The following SPHK1 variants were observed in gnomAD, a reference collection of about 807,000 sequenced individuals.
SPHK1 encodes SK 1.
In SPHK1, 10 loss-of-function variants were observed where a neutral mutation model predicts 14.6. The ratio of observed to expected loss-of-function variants is 0.68; its 90% CI spans 0.42 to 1.16. The LOEUF is 1.16. SPHK1 is among the 50% of genes most tolerant of loss of function. The pLI is 0.00. For missense variants in SPHK1, 553 were observed against 525.4 expected, an observed-to-expected ratio of 1.05 and a Z score of -0.51; for synonymous variants, 274 against 224.0, an observed-to-expected ratio of 1.22 and a Z score of -1.99.
chr17:76,385,072 G>A lies in SPHK1; in HGVS notation c.-195+266G>A. 2 of 1,548,178 alleles carry A rather than the reference G, an allele frequency of 1.3e-6. No homozygotes were observed. Among genetic ancestry groups the A allele is most frequent in the Non-Finnish European group, 1.7e-6 (2 of 1,146,036 alleles). ...GGACACGGCAACCTGGATGGCTGGG[G>A]CAGGGATCCTCTCCCAGAACTTCGT... On this transcript the variant is annotated intron_variant, in intron 1 of 5. Transcript: ENST00000592299. This position sits in a 1 kb window ranked among gnomAD's most constrained non-coding sequence, Gnocchi z 5.3.
In SPHK1 at chr17:76,385,149, TC is replaced by T; in HGVS notation, c.-194-297del. The T allele has an allele frequency of 2.5e-6, 4 of 1,594,328 alleles. No individual in the cohort carries two copies. The highest frequency in any genetic ancestry group is 1.3e-5 in the African/African-American group (1 of 74,796). On this transcript the variant is annotated intron_variant, in intron 1 of 5. Transcript: ENST00000592299. This position sits in a 1 kb window ranked among gnomAD's most constrained non-coding sequence, Gnocchi z 5.3. Reference sequence around the variant, plus strand: ...GGATTTTTACGCAGCTGGACTCCCCTCCCCCTGGCAGCCCCGAGGGGTGAGG... The same window carrying T: ...GGATTTTTACGCAGCTGGACTCCCCTCCCCTGGCAGCCCCGAGGGGTGAGG...
Position 76,385,579 on chromosome 17 carries a change from G to C in SPHK1, c.-66G>C, listed in dbSNP as rs1488154177. ...CGATAAGGAGCTGAAGGCAGGAGCC[G>C]CCGCCACGGGCAGCGCCCCCACAGC... On this transcript the variant is annotated 5_prime_UTR_variant, in exon 2 of 6. Transcript: ENST00000592299. This position sits in a 1 kb window ranked among gnomAD's most constrained non-coding sequence, Gnocchi z 5.3. 1.4e-5 allele frequency: 21 copies of C among 1,539,096 alleles called. No homozygotes were observed. Among genetic ancestry groups the C allele is most frequent in the Middle Eastern group, 3.7e-4 (2 of 5,472 alleles).
chr17:76,386,861 C>G lies in SPHK1; in HGVS notation c.430C>G (p.Arg144Gly), dbSNP rs138805015. The change falls in exon 6 of 6, where the codon CGC becomes GGC. Residue 144 changes from arginine (R) to glycine (G), a missense_variant. By Grantham distance (125) the Arg-to-Gly change is moderately radical. Coordinates refer to ENST00000592299, the MANE Select transcript of SPHK1 (RefSeq NM_001142601.2). The surrounding 1 kb of genome is among the most constrained non-coding windows in gnomAD (Gnocchi z 5.3). ...LLTNCTLLLCRRLLSPMNLLS... is the reference protein window; with the variant it reads ...LLTNCTLLLCGRLLSPMNLLS... ...GACCAACTGCACGCTATTGCTGTGC[C>G]GCCGGCTGCTGTCACCCATGAACCT... 1.3e-6 allele frequency: 2 copies of G among 1,598,380 alleles called. No homozygotes were observed. The highest frequency in any genetic ancestry group is 1.7e-6 in the Non-Finnish European group (2 of 1,170,878).
rs1321061514 is a variant in SPHK1 at position 76,385,392 on chromosome 17, C to A, written c.-194-59C>A. On this transcript the variant is annotated intron_variant, in intron 1 of 5. Coordinates refer to ENST00000592299, the MANE Select transcript of SPHK1 (RefSeq NM_001142601.2). The surrounding 1 kb of genome is among the most constrained non-coding windows in gnomAD (Gnocchi z 5.3). ...CGTGGTCCCGGGATTTAGTCGGGCG[C>A]TCCCCACCTCTGGCAGCTGCGGCCC... 6 of 1,464,090 alleles carry A rather than the reference C, an allele frequency of 4.1e-6. No homozygotes were observed. In the Admixed American group the frequency reaches 1.2e-4, roughly 30 times the overall value. The allele number at this position is 1,464,090 out of a possible 1,614,324, so 90.7% of individuals were successfully genotyped here. A position where few individuals can be genotyped will look rare whatever the true frequency, so the allele number is the denominator to read the frequency against.
upstream of SPHK1, chr17:76,384,475 C>T (rs1262264636): frequency 6.7e-6 from 1 of 150,012 alleles, no homozygotes; most frequent in Non-Finnish European, 1.5e-5. Flanking sequence ...GGAACCAGCT[C>T]GTGGCCCGGC....
chr17:76,387,127 C>T lies in SPHK1; in HGVS notation c.696C>T (p.Gly232=), dbSNP rs769569229. Reference sequence around the variant, plus strand: ...CCTCCCCCGTTGTGGTCCAGCAGGGCCCGGTAGATGCACACCTTGTGCCAC... The same window carrying T: ...CCTCCCCCGTTGTGGTCCAGCAGGGTCCGGTAGATGCACACCTTGTGCCAC... ...TPASPVVVQQ[G]PVDAHLVPLE... Residue 232 remains glycine (G), a synonymous_variant, in exon 6 of 6, where the codon GGC becomes GGT. Coordinates refer to ENST00000592299, the MANE Select transcript of SPHK1 (RefSeq NM_001142601.2). This position sits in a 1 kb window ranked among gnomAD's most constrained non-coding sequence, Gnocchi z 4.1. 2.5e-6 allele frequency: 4 copies of T among 1,613,126 alleles called. No individual in the cohort carries two copies. The highest frequency in any genetic ancestry group is 1.1e-5 in the South Asian group (1 of 91,070).
At position 76,387,140 on chromosome 17, in the gene SPHK1, C is replaced by T. The variant is rs1216900890; in HGVS notation, c.709C>T (p.His237Tyr). The T allele has an allele frequency of 1.2e-6, 2 of 1,613,182 alleles. No individual in the cohort carries two copies. Among genetic ancestry groups the T allele is most frequent in the Non-Finnish European group, 1.7e-6 (2 of 1,180,014 alleles). ...GGTCCAGCAGGGCCCGGTAGATGCA[C>T]ACCTTGTGCCACTGGAGGAGCCAGT... The part of the protein sequence containing the change: ...VVVQQGPVDA[H>Y]LVPLEEPVPS... The change falls in exon 6 of 6, where the codon CAC (histidine) becomes TAC (tyrosine). Residue 237 changes from histidine to tyrosine, a missense_variant. His to Tyr is a moderately conservative substitution (Grantham distance 83). Coordinates refer to ENST00000592299, the MANE Select transcript of SPHK1 (RefSeq NM_001142601.2). The surrounding 1 kb of genome is among the most constrained non-coding windows in gnomAD (Gnocchi z 4.1).
At position 76,385,847 on chromosome 17, in the gene SPHK1, C is replaced by A; in HGVS notation, c.11-138C>A. 2 of 1,483,700 alleles carry A rather than the reference C, an allele frequency of 1.3e-6. No individual in the cohort carries two copies. The highest frequency in any genetic ancestry group is 1.8e-6 in the Non-Finnish European group (2 of 1,108,328). The allele number at this position is 1,483,700 out of a possible 1,614,324, so 91.9% of individuals were successfully genotyped here. On this transcript the variant is annotated intron_variant, in intron 2 of 5. Coordinates refer to ENST00000592299, the MANE Select transcript of SPHK1 (RefSeq NM_001142601.2). The surrounding 1 kb of genome is among the most constrained non-coding windows in gnomAD (Gnocchi z 5.3). ...CGCCGCGTCCCCACCCCAGGTCTCCCAGCAAAGGCCGCTCCTCTGGCCAGG... is the reference window on the plus strand; with the variant it reads ...CGCCGCGTCCCCACCCCAGGTCTCCAAGCAAAGGCCGCTCCTCTGGCCAGG...
rs1017654163 is a variant in SPHK1, at chr17:76,386,677, G to A, written c.375-129G>A. On this transcript the variant is annotated intron_variant, in intron 5 of 5. Transcript: ENST00000592299. The surrounding 1 kb of genome is among the most constrained non-coding windows in gnomAD (Gnocchi z 5.3). ...CTGACTGCTTCCATTTGCTCCATCTGTCACCTACCAGTCCTGCCAACTCCC... is the reference window on the plus strand; with the variant it reads ...CTGACTGCTTCCATTTGCTCCATCTATCACCTACCAGTCCTGCCAACTCCC... 143 of 1,231,506 alleles carry A rather than the reference G, an allele frequency of 1.2e-4. No homozygotes were observed. The highest frequency in any genetic ancestry group is 1.5e-4 in the Non-Finnish European group (138 of 891,728). 76.3% of individuals were successfully genotyped at this position (1,231,506 alleles called of 1,614,324 possible). A position where few individuals can be genotyped will look rare whatever the true frequency, so the allele number is the denominator to read the frequency against.
Position 76,387,424 on chromosome 17 carries a change from C to T in SPHK1, c.993C>T (p.Pro331=). The change falls in exon 6 of 6, where the codon CCC becomes CCT. Residue 331 remains proline (P), a synonymous_variant. Transcript: ENST00000592299. The surrounding 1 kb of genome is among the most constrained non-coding windows in gnomAD (Gnocchi z 4.1). ...YVPVVAFRLE[P]KDGKGVFAVD... is the part of the protein sequence containing the mutation. ...CCGTGGTCGCCTTCCGCTTGGAGCCCAAGGATGGGAAAGGTGTGTTTGCAG... is the reference window on the plus strand; with the variant it reads ...CCGTGGTCGCCTTCCGCTTGGAGCCTAAGGATGGGAAAGGTGTGTTTGCAG... The T allele has an allele frequency of 6.2e-7, 1 of 1,613,746 alleles. No homozygotes were observed. The highest frequency in any genetic ancestry group is 8.5e-7 in the Non-Finnish European group (1 of 1,180,004).
chr17:76,386,859 GC>G lies in SPHK1; in HGVS notation c.430del (p.Arg144AlafsTer7). ...CTGACCAACTGCACGCTATTGCTGT[GC>G]CGCCGGCTGCTGTCACCCATGAACC... The part of the protein sequence containing the change: ...DLLTNCTLLL[C>X]RRLLSPMNLL... On this transcript the variant is annotated frameshift_variant, in exon 6 of 6. Coordinates refer to ENST00000592299, the MANE Select transcript of SPHK1 (RefSeq NM_001142601.2). LOFTEE classifies it low-confidence loss of function (END_TRUNC). This position sits in a 1 kb window ranked among gnomAD's most constrained non-coding sequence, Gnocchi z 5.3. The G allele has an allele frequency of 6.3e-7, 1 of 1,597,472 alleles. No individual in the cohort carries two copies. The highest frequency in any genetic ancestry group is 8.5e-7 in the Non-Finnish European group (1 of 1,170,296).
In SPHK1 at chr17:76,386,545, C is replaced by G. The variant is rs1408394267; in HGVS notation, c.374+37C>G. Reference sequence around the variant, plus strand: ...GGGCCAGAGTAGGCCTGTTTCCCGTCAGTGCTCCTCTACCGCGGGGGTTTT... The same window carrying G: ...GGGCCAGAGTAGGCCTGTTTCCCGTGAGTGCTCCTCTACCGCGGGGGTTTT... On this transcript the variant is annotated intron_variant, in intron 5 of 5. Coordinates refer to ENST00000592299, the MANE Select transcript of SPHK1 (RefSeq NM_001142601.2). This position sits in a 1 kb window ranked among gnomAD's most constrained non-coding sequence, Gnocchi z 5.3. 1 of 1,565,118 alleles carries G rather than the reference C, an allele frequency of 6.4e-7. No individual in the cohort carries two copies. Among genetic ancestry groups the G allele is most frequent in the Non-Finnish European group, 8.7e-7 (1 of 1,146,030 alleles).
Position 76,386,334 on chromosome 17 carries a change from G to T in SPHK1, c.258+19G>T. The T allele has an allele frequency of 1.2e-6, 2 of 1,605,980 alleles. No individual in the cohort carries two copies. The highest frequency in any genetic ancestry group is 4.5e-5 in the East Asian group (2 of 44,724). ...GCACGAGGTGAGGACCGCACTGCGC[G>T]GCTAGGCCTGGGGCTTGGCGCGGTG... On this transcript the variant is annotated intron_variant, in intron 4 of 5. Transcript: ENST00000592299. This position sits in a 1 kb window ranked among gnomAD's most constrained non-coding sequence, Gnocchi z 5.3.
In SPHK1 at chr17:76,386,552, C is replaced by T. The variant is rs1055075158; in HGVS notation, c.374+44C>T. The T allele has an allele frequency of 6.5e-7, 1 of 1,546,930 alleles. No individual in the cohort carries two copies. On this transcript the variant is annotated intron_variant, in intron 5 of 5. Transcript: ENST00000592299. This position sits in a 1 kb window ranked among gnomAD's most constrained non-coding sequence, Gnocchi z 5.3. The stretch of plus-strand genomic sequence containing the variant: ...AGTAGGCCTGTTTCCCGTCAGTGCT[C>T]CTCTACCGCGGGGGTTTTCTTGTCT...
chr17:76,387,758 G>A lies in SPHK1; in HGVS notation c.*172G>A. 2 of 779,768 alleles carry A rather than the reference G, an allele frequency of 2.6e-6. No individual in the cohort carries two copies. Among genetic ancestry groups the A allele is most frequent in the Admixed American group, 3.1e-5 (1 of 31,926 alleles). The allele number at this position is 779,768 out of a possible 1,614,324, so 48.3% of individuals were successfully genotyped here. ...AGGCCAGAATGAAGTCCTGGGTCAG[G>A]AGCCCAGCTGGCTGGGCCCAGCTGC... is the stretch of plus-strand genomic sequence containing the variant. On this transcript the variant is annotated 3_prime_UTR_variant, in exon 6 of 6. Transcript: ENST00000592299. This position sits in a 1 kb window ranked among gnomAD's most constrained non-coding sequence, Gnocchi z 4.1.
At position 76,385,330 on chromosome 17, in the gene SPHK1, C is replaced by A. The variant is rs1322273071; in HGVS notation, c.-194-121C>A. ...GGGCGCCCTCGGAGGCACCGGACCT[C>A]AGCTCTCTGGACTTCCCGGGAACCT... On this transcript the variant is annotated intron_variant, in intron 1 of 5. Transcript: ENST00000592299. The surrounding 1 kb of genome is among the most constrained non-coding windows in gnomAD (Gnocchi z 5.3). 3.0e-5 allele frequency: 43 copies of A among 1,454,302 alleles called. 1 individual carries two copies. In the South Asian group the frequency reaches 5.9e-4, roughly 20 times the overall value. The allele number at this position is 1,454,302 out of a possible 1,614,324, so 90.1% of individuals were successfully genotyped here.
At chr17:76,384,875 G>A in intron 1 of SPHK1, 69 bp downstream of exon 1, 1 of 440,900 alleles carries the variant, frequency 2.3e-6, no homozygotes, top group Admixed American at 4.7e-5. Context: ...GGGGCCCCGG[G>A]AACTGGGCCA....
chr17:76,386,638 C>G lies in SPHK1; in HGVS notation c.374+130C>G, dbSNP rs116351090. 5.2e-6 allele frequency: 6 copies of G among 1,150,278 alleles called. No individual in the cohort carries two copies. The highest frequency in any genetic ancestry group is 4.9e-5 in the East Asian group (2 of 40,650). The allele number at this position is 1,150,278 out of a possible 1,614,324, so 71.3% of individuals were successfully genotyped here. A position where few individuals can be genotyped will look rare whatever the true frequency, so the allele number is the denominator to read the frequency against. ...TTCTCCCTTAGTCCTGGGGCCCTCT[C>G]CTGGTGACCCCAGCTGACTGCTTCC... On this transcript the variant is annotated intron_variant, in intron 5 of 5. Coordinates refer to ENST00000592299, the MANE Select transcript of SPHK1 (RefSeq NM_001142601.2). The surrounding 1 kb of genome is among the most constrained non-coding windows in gnomAD (Gnocchi z 5.3).
Position 76,387,561 on chromosome 17 carries a change from TG to T in SPHK1, c.1131del (p.Met377IlefsTer48). 1.9e-6 allele frequency: 3 copies of T among 1,601,132 alleles called. No homozygotes were observed. The highest frequency in any genetic ancestry group is 2.6e-6 in the Non-Finnish European group (3 of 1,175,550). The part of the protein sequence containing the change: ...EPPPSWKPQQ[M>X]PPPEEPL ...CCGCCCAGCTGGAAGCCCCAGCAGA[TG>T]CCACCGCCAGAAGAGCCCTTATGAC... On this transcript the variant is annotated frameshift_variant, in exon 6 of 6. Transcript: ENST00000592299. LOFTEE classifies it high-confidence loss of function. The surrounding 1 kb of genome is among the most constrained non-coding windows in gnomAD (Gnocchi z 4.1).
Sources: allele counts gnomAD v4.1 joint callset, GRCh38; gene constraint gnomAD v4.1.1; non-coding constraint Gnocchi (gnomAD v3.1); transcripts MANE v1.5; gene names NCBI Gene and HGNC (gene_info 2026-07-23, HGNC 2026-07-21).